PCDHA4: variants seen among roughly 807,000 people sequenced by gnomAD.
PCDHA4 encodes protocadherin alpha-4.
PCDHA4 carries 49 observed loss-of-function variants against 61.4 expected under a neutral mutation model. The ratio of observed to expected loss-of-function variants is 0.80; its 90% CI spans 0.63 to 1.01. PCDHA4 has a LOEUF of 1.01. PCDHA4 is among the 50% of genes least tolerant of loss of function. The pLI is 0.00. For synonymous variants in PCDHA4, 590 were observed against 550.3 expected, an observed-to-expected ratio of 1.07 and a Z score of -1.01; for missense variants, 1,254 against 1,235.8, an observed-to-expected ratio of 1.01 and a Z score of -0.22.
intron 1 of PCDHA4, chr5:140,969,442 T>G (rs1554231813): frequency 1.6e-5 from 25 of 1,543,830 alleles, no homozygotes; most frequent in Non-Finnish European, 2.2e-5. Flanking sequence ...AGTTATCTGG[T>G]AAACTGAGTA....
chr5:140,808,018 T>C lies in PCDHA4; in HGVS notation c.831T>C (p.Ile277=). ...SDLDEGLNGD[I]VYSFSNDISP... is the part of the protein sequence containing the mutation. ...TAGACGAAGGATTGAATGGGGACAT[T>C]GTTTATTCATTCTCAAATGATATTT... Residue 277 remains isoleucine, a synonymous_variant, in exon 1 of 4, where the codon ATT becomes ATC. Coordinates refer to ENST00000530339, the MANE Select transcript of PCDHA4 (RefSeq NM_018907.4). The C allele has an allele frequency of 6.2e-7, 1 of 1,613,878 alleles. No individual in the cohort carries two copies.
intron 1 of PCDHA4, chr5:140,929,259 G>A (rs782558603): frequency 4.7e-5 from 76 of 1,612,754 alleles, no homozygotes; most frequent in Non-Finnish European, 6.2e-5. Context: ...GGGTAGGACT[G>A]AATTTGCCAA....
intron 1 of PCDHA4, among the ~76,000 whole-genome samples, chr5:140,894,025 A>G (rs1473023847): frequency 1.3e-5 from 2 of 152,232 alleles, no homozygotes; most frequent in Admixed American, 6.5e-5. Flanking sequence ...CCAGTTCTGC[A>G]TACTGGTAAT....
chr5:140,964,531 C>T (rs781961669), intron 1 of PCDHA4, among the ~76,000 whole-genome samples: 4 of 152,058 alleles, frequency 2.6e-5, no homozygotes, highest in Non-Finnish European at 5.9e-5. Context: ...CTCTGAGCTG[C>T]GTGCAGAGAT....
intron 1 of PCDHA4, among the ~76,000 whole-genome samples, chr5:140,896,002 G>A (rs1485647299): frequency 1.3e-5 from 2 of 152,082 alleles, no homozygotes; most frequent in Non-Finnish European, 2.9e-5. Flanking sequence ...GTAGAGACAG[G>A]GTTTCTCCAT....
chr5:140,855,192 C>T (rs2150331288), intron 1 of PCDHA4, among the ~76,000 whole-genome samples: 1 of 149,878 alleles, frequency 6.7e-6, no homozygotes, highest in South Asian at 2.1e-4. Context: ...AAATTGAGGC[C>T]TGAGAATAGT....
At position 140,946,093 on chromosome 5, in the gene PCDHA4, T is replaced by A. The variant is rs1171535500; in HGVS notation, c.2386-32856T>A. Among the ~76,000 whole-genome samples, 4 of 151,584 alleles carry A rather than the reference T, an allele frequency of 2.6e-5. No homozygotes were observed. In the East Asian group the frequency reaches 7.7e-4, roughly 29 times the overall value. ...TGCAAACCACAGATCTGATAAGGAG[T>A]TAACATACCAAATATATAAGGAACT... is the stretch of plus-strand genomic sequence containing the variant. On this transcript the variant is annotated intron_variant, in intron 1 of 3. Transcript: ENST00000530339.
chr5:140,985,289 T>C (rs2097145554), intron 3 of PCDHA4, among the ~76,000 whole-genome samples: 2 of 152,172 alleles, frequency 1.3e-5, no homozygotes, highest in African/African-American at 4.8e-5. Flanking sequence ...ATCTATGATA[T>C]AGTGTTGGCT....
intron 1 of PCDHA4, among the ~76,000 whole-genome samples, chr5:140,955,559 A>G (rs1220948022): frequency 6.6e-6 from 1 of 152,164 alleles, no homozygotes; most frequent in African/African-American, 2.4e-5. Flanking sequence ...CTCCCCAGCC[A>G]TACTGAACTG....
At chr5:140,944,596 G>A (rs2093672992) in intron 1 of PCDHA4, among the ~76,000 whole-genome samples, 1 of 152,138 alleles carries the variant, frequency 6.6e-6, no homozygotes, top group Admixed American at 6.5e-5. Context: ...ATTTCCCTGG[G>A]TAGAGTAGTG....
rs75087916 is a variant in PCDHA4, at chr5:140,963,063, T to G, written c.2386-15886T>G. Among the ~76,000 whole-genome samples, 783 of 152,260 alleles carry G rather than the reference T, an allele frequency of 5.1e-3. 9 individuals carry two copies. Among genetic ancestry groups the G allele is most frequent in the African/African-American group, 0.018 (742 of 41,556 alleles). ...AGAGTCTATAAGGGTTTCTACATTGTGAAGGAGACAGAAATATAAGACATG... is the reference window on the plus strand; with the variant it reads ...AGAGTCTATAAGGGTTTCTACATTGGGAAGGAGACAGAAATATAAGACATG... On this transcript the variant is annotated intron_variant, in intron 1 of 3. Transcript: ENST00000530339.
At chr5:140,845,460 T>C (rs1432281352) in intron 1 of PCDHA4, among the ~76,000 whole-genome samples, 1 of 149,744 alleles carries the variant, frequency 6.7e-6, no homozygotes, top group Non-Finnish European at 1.5e-5. Context: ...AACTCTCTGA[T>C]ATTTGAATTT....
intron 1 of PCDHA4, among the ~76,000 whole-genome samples, chr5:140,974,994 A>G (rs901871984): frequency 6.6e-6 from 1 of 152,126 alleles, no homozygotes; most frequent in South Asian, 2.1e-4. Context: ...AGGTATTCTC[A>G]AGGCTGAAAT....
intron 1 of PCDHA4, among the ~76,000 whole-genome samples, chr5:140,931,650 T>C (rs2087656696): frequency 6.6e-6 from 1 of 152,016 alleles, no homozygotes; most frequent in South Asian, 2.1e-4. Flanking sequence ...CTAATAATTG[T>C]TGTGGGCTGG....
intron 2 of PCDHA4, among the ~76,000 whole-genome samples, chr5:140,981,529 G>A (rs1014315292): frequency 3.9e-5 from 6 of 152,196 alleles, no homozygotes; most frequent in East Asian, 1.9e-4. Flanking sequence ...AGCTGAGATC[G>A]TGCCACTGTA....
At position 140,969,430 on chromosome 5, in the gene PCDHA4, A is replaced by T. The variant is rs1554231789; in HGVS notation, c.2386-9519A>T. 4 of 1,554,706 alleles carry T rather than the reference A, an allele frequency of 2.6e-6. No homozygotes were observed. The Admixed American group carries it at 7.8e-5, about 30-fold the overall frequency. ...CTTTATTGAGTCATTAACAGTGACA[A>T]GAGTTATCTGGTAAACTGAGTATAT... On this transcript the variant is annotated intron_variant, in intron 1 of 3. Transcript: ENST00000530339.
intron 1 of PCDHA4, among the ~76,000 whole-genome samples, chr5:140,886,040 C>T (rs533442744): frequency 9.2e-5 from 14 of 152,118 alleles, no homozygotes; most frequent in Non-Finnish European, 1.9e-4. Context: ...AAGTTTTCCC[C>T]AATAGTAACA....
At chr5:140,827,857 T>C (rs1368807201) in intron 1 of PCDHA4, 6 of 511,642 alleles carry the variant, frequency 1.2e-5, no homozygotes, top group Non-Finnish European at 1.7e-5. Context: ...TTTAAAAATA[T>C]ATGGTATAGC....
chr5:140,901,177 G>T (rs2068485979), intron 1 of PCDHA4, among the ~76,000 whole-genome samples: 1 of 152,034 alleles, frequency 6.6e-6, no homozygotes, highest in African/African-American at 2.4e-5. Flanking sequence ...TCACTTTGTT[G>T]ATTGTTTGCT....
Sources: gnomAD v4.1 joint callset for allele counts (sites outside exome capture counted in the v4.1 genomes callset) on GRCh38, gnomAD v4.1.1 for gene constraint, MANE v1.5 for transcripts, NCBI Gene and HGNC (gene_info 2026-07-23, HGNC 2026-07-21) for gene names.